The following CDC42BPB variants were observed in gnomAD, a reference collection of about 807,000 sequenced individuals.
The protein encoded by CDC42BPB is serine/threonine-protein kinase MRCK beta.
Under a neutral mutation model 214.9 loss-of-function variants are expected in CDC42BPB, and 37 were observed. That is an observed-to-expected ratio of 0.17 (90% CI 0.13 to 0.23). The LOEUF is 0.23. Among genes scored for constraint, CDC42BPB ranks in the 10% least tolerant of loss-of-function variants. The probability of loss-of-function intolerance (pLI) is 1.00; values close to 1 mark genes in which losing one functional copy is unlikely to be tolerated. For synonymous variants in CDC42BPB, 931 were observed against 884.0 expected (o/e 1.05, Z -0.94); for missense variants, 1,694 against 2,227.0 (o/e 0.76, Z 4.82).
rs776437224 is a variant in CDC42BPB at position 102,980,881 on chromosome 14, A to C, written c.1032T>G (p.Gly344=). The C allele has an allele frequency of 4.3e-6, 7 of 1,614,096 alleles. No individual in the cohort carries two copies. Among genetic ancestry groups the C allele is most frequent in the Non-Finnish European group, 5.1e-6 (6 of 1,180,006 alleles). ...EDFKKHAFFE[G]LNWENIRNLE... is the part of the protein sequence containing the mutation. The stretch of plus-strand genomic sequence containing the variant: ...GGTTTCGTATATTTTCCCAATTTAG[A>C]CCTTCAAAAAACGCATGCTTTTTGA... The change falls in exon 8 of 37, where the codon GGT becomes GGG. Residue 344 remains glycine, a synonymous_variant. Transcript: ENST00000361246.
Position 103,001,843 on chromosome 14 carries a change from C to CT in CDC42BPB, c.447+2084dup, listed in dbSNP as rs1183001037. Among the ~76,000 whole-genome samples the CT allele has an allele frequency of 6.6e-6, 1 of 152,128 alleles. No homozygotes were observed. Among genetic ancestry groups the CT allele is most frequent in the Non-Finnish European group, 1.5e-5 (1 of 68,012 alleles). ...GCCGCGTCCACGTCTGCCGAGAACT[C>CT]TAAGAGGAGGAGCTTCCTACAGCAG... On this transcript the variant is annotated intron_variant, in intron 4 of 36. Transcript: ENST00000361246. The surrounding 1 kb of genome is among the most constrained non-coding windows in gnomAD (Gnocchi z 5.8).
intron 9 of CDC42BPB, among the ~76,000 whole-genome samples, chr14:102,977,545 C>T (rs1294452137): frequency 1.3e-5 from 2 of 152,156 alleles, no homozygotes; most frequent in South Asian, 2.1e-4. Flanking sequence ...CCATCTCAGG[C>T]GACACAACTT....
intron 34 of CDC42BPB, chr14:102,938,653 G>C (rs953510579): frequency 1.4e-6 from 1 of 705,996 alleles, no homozygotes; most frequent in African/African-American, 1.9e-5. Context: ...GTTTGAGACT[G>C]AGTCTTGCTC....
In CDC42BPB at chr14:102,968,908, T is replaced by C. The variant is rs116112555; in HGVS notation, c.1996-192A>G. 563 of 985,408 alleles carry C rather than the reference T, an allele frequency of 5.7e-4. 7 individuals carry two copies. The African/African-American group carries it at 9.1e-3, about 16-fold the overall frequency. The allele number at this position is 985,408 out of a possible 1,614,324, so 61.0% of individuals were successfully genotyped here. A position where few individuals can be genotyped will look rare whatever the true frequency, so the allele number is the denominator to read the frequency against. ...TAGGGGGTCACAGCAGGAGACGGCC[T>C]TGCAGGGGGATGTGCCCAGGTCTGC... is the stretch of plus-strand genomic sequence containing the variant. On this transcript the variant is annotated intron_variant, in intron 14 of 36. Transcript: ENST00000361246.
chr14:102,991,592 A>G (rs906787421), intron 5 of CDC42BPB, among the ~76,000 whole-genome samples: 1 of 152,192 alleles, frequency 6.6e-6, no homozygotes, highest in African/African-American at 2.4e-5. Context: ...TTTGGGGTAA[A>G]TGCTCTTGGT....
Position 102,968,661 on chromosome 14 carries a change from G to T in CDC42BPB, c.2051C>A (p.Ser684Tyr). The T allele has an allele frequency of 6.2e-7, 1 of 1,614,146 alleles. No homozygotes were observed. Among genetic ancestry groups the T allele is most frequent in the South Asian group, 1.1e-5 (1 of 91,082 alleles). ...GATLEHQQEI[S>Y]KIKSELEKKV... ...CTTCTCCAGCTCGGATTTGATTTTG[G>T]AAATCTCTTGCTGGTGCTCTAAGGT... is the stretch of plus-strand genomic sequence containing the variant. The change falls in exon 15 of 37, where the codon TCC becomes TAC. Residue 684 changes from serine (S) to tyrosine (Y), a missense_variant. Transcript: ENST00000361246.
intron 1 of CDC42BPB, among the ~76,000 whole-genome samples, chr14:103,053,540 T>C (rs1242400575): frequency 6.6e-6 from 1 of 151,628 alleles, no homozygotes; most frequent in Non-Finnish European, 1.5e-5. Context: ...GGGGGGCAGA[T>C]CACGAGGTCT....
At chr14:102,975,657 T>A in intron 11 of CDC42BPB, 27 bp downstream of exon 11, 1 of 1,610,540 alleles carries the variant, frequency 6.2e-7, no homozygotes, top group Middle Eastern at 1.8e-4. Flanking sequence ...AAATAGAGAC[T>A]AAGAAGTCAC....
rs371401659 is a variant in CDC42BPB, at chr14:102,946,472, G to A, written c.3744C>T (p.Ile1248=). 14 of 1,612,616 alleles carry A rather than the reference G, an allele frequency of 8.7e-6. No individual in the cohort carries two copies. Among genetic ancestry groups the A allele is most frequent in the Admixed American group, 1.7e-5 (1 of 60,012 alleles). ...PLIKAILTAA[I]VDADRIAVGL... The stretch of plus-strand genomic sequence containing the variant: ...GACACAACCTTTGGGACGTACCCAC[G>A]ATGGCAGCTGTCAGGATGGCCTTGA... Residue 1248 remains isoleucine (I), a synonymous_variant, in exon 28 of 37, where the codon ATC becomes ATT. Coordinates refer to ENST00000361246, the MANE Select transcript of CDC42BPB (RefSeq NM_006035.4).
At chr14:103,055,884 C>T (rs1428996300) in intron 1 of CDC42BPB, among the ~76,000 whole-genome samples, 4 of 152,208 alleles carry the variant, frequency 2.6e-5, no homozygotes, top group Non-Finnish European at 5.9e-5. Flanking sequence ...ATTACTGGTT[C>T]GAACTGAACA....
intron 6 of CDC42BPB, among the ~76,000 whole-genome samples, chr14:102,984,423 T>A (rs1274781978): frequency 6.6e-6 from 1 of 152,126 alleles, no homozygotes; most frequent in Non-Finnish European, 1.5e-5. Context: ...GTCTTCCTCA[T>A]GGGAACATGC....
chr14:102,981,904 T>TG (rs1425201284), intron 7 of CDC42BPB, among the ~76,000 whole-genome samples: 2 of 152,150 alleles, frequency 1.3e-5, no homozygotes, highest in African/African-American at 4.8e-5. Flanking sequence ...AACACACACA[T>TG]GCGCACGCAC....
intron 1 of CDC42BPB, among the ~76,000 whole-genome samples, chr14:103,047,508 T>C (rs1888360724): frequency 3.9e-5 from 6 of 152,130 alleles, no homozygotes; most frequent in Admixed American, 3.9e-4. Context: ...ACACTCTCAG[T>C]GTAGACAGCA....
rs369352633 is a variant in CDC42BPB, at chr14:102,983,797, C to G, written c.691-41G>C. ...GGTGCTGAAGGAAACCCTAGGGCAT[C>G]TCCAATCACATATTTCCAACTACTT... On this transcript the variant is annotated intron_variant, in intron 6 of 36. Transcript: ENST00000361246. 1.9e-6 allele frequency: 3 copies of G among 1,586,948 alleles called. No homozygotes were observed. In the African/African-American group the frequency reaches 4.0e-5, roughly 21 times the overall value.
rs1892539922 is a variant in CDC42BPB, at chr14:102,952,606, G to A, written c.3067-3C>T. ...ATGCTGAACTGGTGAGCTTTTGGCT[G>A]GAAGGAGAAAATCAAGAACACTGAG... On this transcript the variant is annotated splice_region_variant and splice_polypyrimidine_tract_variant and intron_variant, in intron 23 of 36. Coordinates refer to ENST00000361246, the MANE Select transcript of CDC42BPB (RefSeq NM_006035.4). 1 of 1,612,472 alleles carries A rather than the reference G, an allele frequency of 6.2e-7. No individual in the cohort carries two copies. Among genetic ancestry groups the A allele is most frequent in the Admixed American group, 1.7e-5 (1 of 59,878 alleles).
chr14:103,014,115 G>A (rs1435214588), intron 1 of CDC42BPB, among the ~76,000 whole-genome samples: 5 of 148,526 alleles, frequency 3.4e-5, no homozygotes, highest in Non-Finnish European at 7.4e-5. Context: ...GCAGTAAGCC[G>A]AGATCGTGCC....
In CDC42BPB at chr14:102,944,056, A is replaced by T. The variant is rs1282194155; in HGVS notation, c.4243T>A (p.Ser1415Thr). The T allele has an allele frequency of 6.2e-7, 1 of 1,613,578 alleles. No homozygotes were observed. ...GACTGTTGTGAGAGGAACGCAAGCG[A>T]GGGGTCATTGGGATTTACCAGGTTT... ...PLNLVNPNDP[S>T]LAFLSQQSFD... Residue 1415 changes from serine (S) to threonine (T), a missense_variant, in exon 30 of 37, where the codon TCG becomes ACG. By Grantham distance (58) the Ser-to-Thr change is moderately conservative. Coordinates refer to ENST00000361246, the MANE Select transcript of CDC42BPB (RefSeq NM_006035.4). This position sits in a 1 kb window ranked among gnomAD's most constrained non-coding sequence, Gnocchi z 6.6.
intron 11 of CDC42BPB, 199 bp from the exon 12 acceptor site, chr14:102,974,348 C>T: frequency 1.0e-6 from 1 of 984,294 alleles, no homozygotes; most frequent in Non-Finnish European, 1.2e-6. Context: ...ACCTGCATGC[C>T]TGTGCTGAAC....
At chr14:102,945,244 T>C (rs1169591233) in intron 29 of CDC42BPB, 1 of 458,608 alleles carries the variant, frequency 2.2e-6, no homozygotes. Flanking sequence ...CCAGTTCCAG[T>C]CTCCTGACGT....
Sources: allele counts gnomAD v4.1 joint callset (sites outside exome capture counted in the v4.1 genomes callset), GRCh38; gene constraint gnomAD v4.1.1; non-coding constraint Gnocchi (gnomAD v3.1); transcripts MANE v1.5; gene names NCBI Gene and HGNC (gene_info 2026-07-23, HGNC 2026-07-21).